Variants in SLFN11 observed in about 807,000 individuals in gnomAD.
SLFN11 encodes schlafen family member 11.
Under a neutral mutation model 53.4 loss-of-function variants are expected in SLFN11, and 43 were observed. The ratio of observed to expected loss-of-function variants is 0.80; its 90% CI spans 0.63 to 1.04. The LOEUF is 1.04. Among genes scored for constraint, SLFN11 ranks in the 50% least tolerant of loss-of-function variants. The probability of loss-of-function intolerance (pLI) is 0.00; values close to 1 mark genes in which losing one functional copy is unlikely to be tolerated. For missense variants in SLFN11, 990 were observed against 1,079.1 expected (o/e 0.92, Z 1.16); for synonymous variants, 389 against 394.7 (o/e 0.99, Z 0.17).
At chr17:35,357,526 G>C (rs981007557) in intron 5 of SLFN11, among the ~76,000 whole-genome samples, 1 of 151,170 alleles carries the variant, frequency 6.6e-6, no homozygotes, top group African/African-American at 2.4e-5. Flanking sequence ...CTTTTAAACA[G>C]TTAATTGCCA....
intron 5 of SLFN11, among the ~76,000 whole-genome samples, chr17:35,358,396 CCTCT>C (rs1232829043): frequency 6.6e-6 from 1 of 150,908 alleles, no homozygotes; most frequent in Non-Finnish European, 1.5e-5. Flanking sequence ...CATTTTAATC[CCTCT>C]AATTTCTTTC....
In SLFN11 at chr17:35,363,171, C is replaced by G; in HGVS notation, c.637G>C (p.Val213Leu). The change falls in exon 4 of 7, where the codon GTA becomes CTA. Residue 213 changes from valine (V) to leucine (L), a missense_variant. Physicochemically the swap from Val to Leu is conservative, Grantham distance 32 (BLOSUM62 1). Transcript: ENST00000685675. ...EILPFPESQL[V>L]EFKQFSTKHF... ...TTTGTAGAGAACTGTTTAAACTCTA[C>G]TAACTGAGACTCAGGAAAAGGCAGG... is the stretch of plus-strand genomic sequence containing the variant. The G allele has an allele frequency of 6.2e-7, 1 of 1,613,996 alleles. No homozygotes were observed. The highest frequency in any genetic ancestry group is 8.5e-7 in the Non-Finnish European group (1 of 1,179,982).
chr17:35,358,497 C>T (rs1907803489), intron 5 of SLFN11, among the ~76,000 whole-genome samples: 1 of 150,912 alleles, frequency 6.6e-6, no homozygotes, highest in East Asian at 1.9e-4. Flanking sequence ...AATAGAATGC[C>T]TGTAATCTCT....
intron 1 of SLFN11, among the ~76,000 whole-genome samples, chr17:35,368,564 G>A (rs1031732875): frequency 6.6e-6 from 1 of 151,962 alleles, no homozygotes; most frequent in Non-Finnish European, 1.5e-5. Context: ...GGCATTCTAG[G>A]CCACAAGGAC....
Position 35,351,035 on chromosome 17 carries a change from C to T in SLFN11, c.*1321G>A, listed in dbSNP as rs529579273. 1 of 152,284 alleles carries T rather than the reference C, an allele frequency of 6.6e-6. No homozygotes were observed. The highest frequency in any genetic ancestry group is 1.9e-4 in the East Asian group (1 of 5,182). The allele number at this position is 152,284 out of a possible 1,614,324, so 9.4% of individuals were successfully genotyped here. A position where few individuals can be genotyped will look rare whatever the true frequency, so the allele number is the denominator to read the frequency against. On this transcript the variant is annotated 3_prime_UTR_variant, in exon 7 of 7. Transcript: ENST00000685675. Reference sequence around the variant, plus strand: ...CAGCTGTGTTCTCAGGCTGCAATAACAAAACACCAGAGACTGAGAAGCTGA... The same window carrying T: ...CAGCTGTGTTCTCAGGCTGCAATAATAAAACACCAGAGACTGAGAAGCTGA...
At chr17:35,365,358 A>G (rs779755363) in intron 3 of SLFN11, among the ~76,000 whole-genome samples, 3 of 152,128 alleles carry the variant, frequency 2.0e-5, no homozygotes, top group African/African-American at 7.2e-5. Flanking sequence ...GTCACAGCTC[A>G]CTGCAGCCTC....
At chr17:35,370,480 T>G (rs1430080554) in intron 1 of SLFN11, among the ~76,000 whole-genome samples, 1 of 151,914 alleles carries the variant, frequency 6.6e-6, no homozygotes, top group African/African-American at 2.4e-5. Flanking sequence ...GCTAGAGCAA[T>G]TAGACAAGAG....
At chr17:35,358,545 C>T (rs9896228) in intron 5 of SLFN11, among the ~76,000 whole-genome samples, 59,748 of 150,896 alleles carry the variant, frequency 0.4, 13,866 homozygotes, top group African/African-American at 0.63. Flanking sequence ...CATATATATA[C>T]ATGTAAATAT....
chr17:35,372,158 C>T (rs959544712), intron 1 of SLFN11, among the ~76,000 whole-genome samples: 1 of 152,050 alleles, frequency 6.6e-6, no homozygotes, highest in Non-Finnish European at 1.5e-5. Flanking sequence ...GAATGAGATC[C>T]AATCACTTGC....
At position 35,367,080 on chromosome 17, in the gene SLFN11, A is replaced by G. The variant is rs945266712; in HGVS notation, c.-136-17T>C. ...AGTAAGAATCTGTCTCAAAAAAAAA[A>G]AAAAGAAGGCTGGCACATCCACATT... is the stretch of plus-strand genomic sequence containing the variant. On this transcript the variant is annotated splice_polypyrimidine_tract_variant and intron_variant, in intron 2 of 6. Coordinates refer to ENST00000685675, the MANE Select transcript of SLFN11 (RefSeq NM_001376007.1). 2.6e-5 allele frequency: 4 copies of G among 151,744 alleles called. No homozygotes were observed. The highest frequency in any genetic ancestry group is 4.4e-5 in the Non-Finnish European group (3 of 67,932). 9.4% of individuals were successfully genotyped at this position (151,744 alleles called of 1,614,324 possible). A position where few individuals can be genotyped will look rare whatever the true frequency, so the allele number is the denominator to read the frequency against.
At chr17:35,366,775 T>C (rs1395098509) in intron 3 of SLFN11, among the ~76,000 whole-genome samples, 172 bp downstream of exon 3, 2 of 152,112 alleles carry the variant, frequency 1.3e-5, no homozygotes, top group South Asian at 2.1e-4. Flanking sequence ...ATTTGTTAGA[T>C]AAAAGTGAAG....
At position 35,362,821 on chromosome 17, in the gene SLFN11, G is replaced by T; in HGVS notation, c.987C>A (p.Pro329=). Reference sequence around the variant, plus strand: ...ACTTGTCCTCCACTATCCATGAATTGGGAGCTTCTGAGAACACTGCACAGC... The same window carrying T: ...ACTTGTCCTCCACTATCCATGAATTTGGAGCTTCTGAGAACACTGCACAGC... ...PFCCAVFSEA[P]NSWIVEDKYV... The change falls in exon 4 of 7, where the codon CCC becomes CCA. Residue 329 remains proline, a synonymous_variant. Transcript: ENST00000685675. 3 of 1,613,096 alleles carry T rather than the reference G, an allele frequency of 1.9e-6. No homozygotes were observed. The highest frequency in any genetic ancestry group is 2.7e-5 in the African/African-American group (2 of 74,914).
chr17:35,353,959 A>C lies in SLFN11; in HGVS notation c.1299T>G (p.Pro433=). The part of the protein sequence containing the change: ...LEELINKQMQ[P]FFRGILIFSR... Reference sequence around the variant, plus strand: ...AGAAGATCAAAATTCCCCGAAAGAAAGGTTGCATTTGCTTATTTATTAACT... The same window carrying C: ...AGAAGATCAAAATTCCCCGAAAGAACGGTTGCATTTGCTTATTTATTAACT... Residue 433 remains proline, a synonymous_variant, in exon 6 of 7, where the codon CCT becomes CCG. Transcript: ENST00000685675. 6.2e-7 allele frequency: 1 copy of C among 1,614,016 alleles called. No individual in the cohort carries two copies. Among genetic ancestry groups the C allele is most frequent in the Non-Finnish European group, 8.5e-7 (1 of 1,180,010 alleles).
In SLFN11 at chr17:35,353,507, A is replaced by T. The variant is rs1480749284; in HGVS notation, c.1751T>A (p.Ile584Lys). 6.6e-7 allele frequency: 1 copy of T among 1,521,074 alleles called. No homozygotes were observed. The allele number at this position is 1,521,074 out of a possible 1,614,324, so 94.2% of individuals were successfully genotyped here. A position where few individuals can be genotyped will look rare whatever the true frequency, so the allele number is the denominator to read the frequency against. The change falls in exon 6 of 7, where the codon ATA (isoleucine) becomes AAA (lysine). Residue 584 changes from isoleucine to lysine, a missense_variant. By Grantham distance (102) the Ile-to-Lys change is moderately radical. Around this residue, in one of 3 missense-constraint regions of SLFN11, gnomAD observed 156 missense variants for 241.9 expected, o/e 0.64. Transcript: ENST00000685675. ...LNLLTAQQYEIFSRSLRKNRE... is the reference protein window; with the variant it reads ...LNLLTAQQYEKFSRSLRKNRE... ...GTTCTTGCGGAGGCTTCTGGAGAAT[A>T]TCTCATACTGCTGGGCTGTGAGCAG...
chr17:35,353,171 T>A, intron 6 of SLFN11, 32 bp from the exon 7 acceptor site: 1 of 1,598,812 alleles, frequency 6.3e-7, no homozygotes. Context: ...ACTCAGGTTT[T>A]CTCTAAAAAA....
chr17:35,352,222 G>C lies in SLFN11; in HGVS notation c.*134C>G, dbSNP rs1243319599. On this transcript the variant is annotated 3_prime_UTR_variant, in exon 7 of 7. Transcript: ENST00000685675. ...GAAGGAACCCCTGAAAGGAGAGCCA[G>C]AAATGGGGGAGCTCCAAACTCTTTG... is the stretch of plus-strand genomic sequence containing the variant. The C allele has an allele frequency of 8.4e-7, 1 of 1,190,554 alleles. No homozygotes were observed. Among genetic ancestry groups the C allele is most frequent in the Non-Finnish European group, 1.2e-6 (1 of 851,184 alleles). The allele number at this position is 1,190,554 out of a possible 1,614,324, so 73.7% of individuals were successfully genotyped here. A position where few individuals can be genotyped will look rare whatever the true frequency, so the allele number is the denominator to read the frequency against.
intron 5 of SLFN11, among the ~76,000 whole-genome samples, chr17:35,355,605 CT>C (rs1907370046): frequency 6.6e-6 from 1 of 152,010 alleles, no homozygotes; most frequent in Non-Finnish European, 1.5e-5. Flanking sequence ...TTGCATAGGT[CT>C]TCTTTTTCTT....
At chr17:35,357,133 T>C (rs1315883594) in intron 5 of SLFN11, among the ~76,000 whole-genome samples, 1 of 134,266 alleles carries the variant, frequency 7.4e-6, no homozygotes, top group African/African-American at 2.6e-5. Context: ...TGTTGATTTT[T>C]CTGTGCGTGT....
Position 35,353,789 on chromosome 17 carries a change from G to C in SLFN11, c.1469C>G (p.Thr490Ser), listed in dbSNP as rs1907094467. 1 of 1,570,508 alleles carries C rather than the reference G, an allele frequency of 6.4e-7. No homozygotes were observed. Among genetic ancestry groups the C allele is most frequent in the Middle Eastern group, 1.7e-4 (1 of 5,820 alleles). The change falls in exon 6 of 7, where the codon ACC becomes AGC. Residue 490 changes from threonine (T) to serine (S), a missense_variant. Thr to Ser is a moderately conservative substitution (Grantham distance 58, BLOSUM62 1). Transcript: ENST00000685675. ...TAGCTTCTGCTTCAAAGTAAAGGCG[G>C]TGCGAGTGCAGTAGTCCTGGCCCTC... is the stretch of plus-strand genomic sequence containing the variant. The part of the protein sequence containing the change: ...DAEGQDYCTR[T>S]AFTLKQKLVN...
Sources: allele counts gnomAD v4.1 joint callset (sites outside exome capture counted in the v4.1 genomes callset), GRCh38; gene constraint gnomAD v4.1.1; regional missense constraint gnomAD v4.1.1; transcripts MANE v1.5; gene names NCBI Gene and HGNC (gene_info 2026-07-23, HGNC 2026-07-21).